The following PTGER4 variants were observed in gnomAD, a reference collection of about 807,000 sequenced individuals.
PTGER4 encodes the protein prostaglandin E2 receptor EP4 subtype.
Under a neutral mutation model 33.2 loss-of-function variants are expected in PTGER4, and 11 were observed. The observed-to-expected ratio is 0.33, with a 90% CI of 0.21 to 0.55. The LOEUF (loss-of-function observed/expected upper bound fraction) is 0.55, where lower values mean the gene tolerates loss of function less well. Among genes scored for constraint, PTGER4 ranks in the 20% least tolerant of loss-of-function variants. PTGER4 has a pLI of 0.92. For missense variants in PTGER4, 481 were observed against 650.2 expected (o/e 0.74, Z 2.83); for synonymous variants, 275 against 281.5 (o/e 0.98, Z 0.23).
chr5:40,705,213 A>C, the PTGER4 span, among the ~76,000 whole-genome samples: 1 of 152,210 alleles, frequency 6.6e-6, no homozygotes, highest in African/African-American at 2.4e-5. Flanking sequence ...TGAAAAAAAG[A>C]AGCAATGGGG....
At chr5:40,713,383 A>T in the PTGER4 span, among the ~76,000 whole-genome samples, 22 of 152,186 alleles carry the variant, frequency 1.4e-4, no homozygotes, top group African/African-American at 4.8e-4. Context: ...TATAATCTTA[A>T]AAATTCTAGC....
At chr5:40,713,366 G>C in the PTGER4 span, among the ~76,000 whole-genome samples, 1 of 152,056 alleles carries the variant, frequency 6.6e-6, no homozygotes, top group Non-Finnish European at 1.5e-5. Flanking sequence ...GGGCTATACT[G>C]TTCAGTTATA....
the PTGER4 span, among the ~76,000 whole-genome samples, chr5:40,717,491 T>G: frequency 3.3e-5 from 5 of 152,192 alleles, no homozygotes; most frequent in Non-Finnish European, 7.3e-5. Context: ...ACCTCAGCAC[T>G]ACTGACATAT....
chr5:40,712,674 C>G, the PTGER4 span, among the ~76,000 whole-genome samples: 3 of 152,112 alleles, frequency 2.0e-5, no homozygotes, highest in African/African-American at 2.4e-5. Context: ...GCAGTTATGA[C>G]AAATCCACAA....
rs1485917817 is a variant in PTGER4, at chr5:40,692,993, A to G, written c.*615A>G. The G allele has an allele frequency of 6.5e-6, 6 of 922,700 alleles. No individual in the cohort carries two copies. The highest frequency in any genetic ancestry group is 7.8e-6 in the Non-Finnish European group (6 of 772,812). 57.2% of individuals were successfully genotyped at this position (922,700 alleles called of 1,614,324 possible). On this transcript the variant is annotated 3_prime_UTR_variant, in exon 3 of 3. Transcript: ENST00000302472. ...GTTCGAGTCAAAGTTGAAAATTCAT[A>G]GTAAGATTGATATCTATAAAATAGA...
the PTGER4 span, among the ~76,000 whole-genome samples, chr5:40,741,989 C>CA: frequency 1.4e-3 from 217 of 150,758 alleles, no homozygotes; most frequent in African/African-American, 5.2e-3. Flanking sequence ...GACTCTGTCT[C>CA]AAAAAAAAGA....
In PTGER4 at chr5:40,680,808, T is replaced by G; in HGVS notation, c.-43-143T>G. 1 of 723,978 alleles carries G rather than the reference T, an allele frequency of 1.4e-6. No homozygotes were observed. The highest frequency in any genetic ancestry group is 2.3e-6 in the Non-Finnish European group (1 of 443,368). The allele number at this position is 723,978 out of a possible 1,614,324, so 44.8% of individuals were successfully genotyped here. A position where few individuals can be genotyped will look rare whatever the true frequency, so the allele number is the denominator to read the frequency against. ...AGCCTGGAGATTTTGGTGGCCGCAG[T>G]TGGTAAGTGGCTACAATCCAGAAAG... On this transcript the variant is annotated intron_variant, in intron 1 of 2. Transcript: ENST00000302472. This position sits in a 1 kb window ranked among gnomAD's most constrained non-coding sequence, Gnocchi z 5.5.
At chr5:40,716,294 C>G in the PTGER4 span, 1 of 1,614,196 alleles carries the variant, frequency 6.2e-7, no homozygotes, top group Non-Finnish European at 8.5e-7. Flanking sequence ...GCTGCACAAA[C>G]AGCAACAATC....
chr5:40,720,356 A>G, the PTGER4 span, among the ~76,000 whole-genome samples: 5 of 152,192 alleles, frequency 3.3e-5, no homozygotes, highest in Admixed American at 3.3e-4. Context: ...AACTGTAAAA[A>G]TGTAGGTTTA....
At chr5:40,721,316 G>A in the PTGER4 span, among the ~76,000 whole-genome samples, 1 of 152,080 alleles carries the variant, frequency 6.6e-6, no homozygotes. Context: ...TTAGAAGTAA[G>A]AACAAAACTA....
the PTGER4 span, among the ~76,000 whole-genome samples, chr5:40,718,017 G>A: frequency 4.0e-5 from 6 of 151,460 alleles, no homozygotes; most frequent in East Asian, 3.9e-4. Context: ...AGCCAAGATC[G>A]CACAATTATG....
At chr5:40,735,379 CAGAA>C in the PTGER4 span, among the ~76,000 whole-genome samples, 1 of 151,858 alleles carries the variant, frequency 6.6e-6, no homozygotes, top group Non-Finnish European at 1.5e-5. Flanking sequence ...GAAGTGAAAA[CAGAA>C]AGAGGAAAAA....
At chr5:40,694,035 CATTTTT>C (rs766804197), downstream of PTGER4, among the ~76,000 whole-genome samples, 55 of 151,780 alleles carry the variant, frequency 3.6e-4, no homozygotes, top group Admixed American at 3.4e-3. Context: ...TTTTAACTGC[CATTTTT>C]ATTTTTATTT....
rs746602534 is a variant in PTGER4, at chr5:40,692,398, A to G, written c.*20A>G. On this transcript the variant is annotated 3_prime_UTR_variant, in exon 3 of 3. Coordinates refer to ENST00000302472, the MANE Select transcript of PTGER4 (RefSeq NM_000958.3). ...ATATAATAGGCAAGGAAAGAAATACAGTACTGTTTCTGGACCCTTATAAAA... is the reference window on the plus strand; with the variant it reads ...ATATAATAGGCAAGGAAAGAAATACGGTACTGTTTCTGGACCCTTATAAAA... 3 of 1,559,506 alleles carry G rather than the reference A, an allele frequency of 1.9e-6. No individual in the cohort carries two copies. The highest frequency in any genetic ancestry group is 2.7e-5 in the African/African-American group (2 of 73,204).
At chr5:40,686,039 G>T (rs1361410309) in intron 2 of PTGER4, among the ~76,000 whole-genome samples, 1 of 151,960 alleles carries the variant, frequency 6.6e-6, no homozygotes, top group Non-Finnish European at 1.5e-5. Flanking sequence ...GAAGAACCAA[G>T]CTCTCCTACA....
the PTGER4 span, among the ~76,000 whole-genome samples, chr5:40,707,600 C>A: frequency 6.6e-6 from 1 of 152,212 alleles, no homozygotes; most frequent in African/African-American, 2.4e-5. Flanking sequence ...TAACACCCCA[C>A]TGTCAACATT....
the PTGER4 span, among the ~76,000 whole-genome samples, chr5:40,713,195 A>G: frequency 2.0e-5 from 3 of 152,152 alleles, no homozygotes; most frequent in Non-Finnish European, 4.4e-5. Flanking sequence ...AGATATTAAT[A>G]CATGTATCAT....
At chr5:40,684,124 AC>A (rs879580832) in intron 2 of PTGER4, among the ~76,000 whole-genome samples, 40,898 of 74,342 alleles carry the variant, frequency 0.55, 9,285 homozygotes, top group Admixed American at 0.62. Flanking sequence ...CCACCCACCC[AC>A]CCCCCCCCCC....
the PTGER4 span, chr5:40,746,733 C>T: frequency 2.6e-6 from 3 of 1,168,098 alleles, no homozygotes; most frequent in Non-Finnish European, 3.6e-6. Context: ...CTCTTCATCC[C>T]ATTACGGACA....
Sources: gnomAD v4.1 joint callset for allele counts (sites outside exome capture counted in the v4.1 genomes callset) on GRCh38, gnomAD v4.1.1 for gene constraint, Gnocchi (gnomAD v3.1) non-coding constraint, MANE v1.5 for transcripts, NCBI Gene and HGNC (gene_info 2026-07-23, HGNC 2026-07-21) for gene names.